PCDHB3: variants seen among roughly 807,000 people sequenced by gnomAD.
PCDHB3 encodes the protein protocadherin beta-3.
For missense variants in PCDHB3, 967 were observed against 1,012.1 expected, an observed-to-expected ratio of 0.96 and a Z score of 0.60; for synonymous variants, 479 against 456.0, an observed-to-expected ratio of 1.05 and a Z score of -0.64.
chr5:141,101,957 C>T lies in PCDHB3; in HGVS notation c.1308C>T (p.Asn436=), dbSNP rs191283257. Residue 436 remains asparagine (N), a synonymous_variant, in exon 1 of 1, where the codon AAC becomes AAT. Transcript: ENST00000231130. ...LGTPRLKTKY[N]ITVLVSDVND... ...CACCCAGGCTGAAAACCAAGTACAA[C>T]ATAACCGTGCTGGTCTCCGACGTCA... 5 of 1,613,846 alleles carry T rather than the reference C, an allele frequency of 3.1e-6. No individual in the cohort carries two copies. Among genetic ancestry groups the T allele is most frequent in the Middle Eastern group, 3.5e-4 (2 of 5,796 alleles).
Position 141,100,992 on chromosome 5 carries a change from C to T in PCDHB3, c.343C>T (p.Gln115Ter). Residue 115 changes from glutamine to a stop codon, truncating the protein, a stop_gained, in exon 1 of 1, where the codon CAA (glutamine) becomes TAA (stop). Coordinates refer to ENST00000231130, the MANE Select transcript of PCDHB3 (RefSeq NM_018937.5). LOFTEE classifies it low-confidence loss of function (END_TRUNC). ...HFQILLQNPLQFVTNELRIID... is the reference protein window; with the variant it reads ...HFQILLQNPL ...TCAGATATTACTGCAAAACCCTTTGCAATTCGTTACAAACGAGCTCCGTAT... is the reference window on the plus strand; with the variant it reads ...TCAGATATTACTGCAAAACCCTTTGTAATTCGTTACAAACGAGCTCCGTAT... 6.2e-7 allele frequency: 1 copy of T among 1,614,136 alleles called. No homozygotes were observed. Among genetic ancestry groups the T allele is most frequent in the Non-Finnish European group, 8.5e-7 (1 of 1,180,026 alleles).
chr5:141,102,267 G>A lies in PCDHB3; in HGVS notation c.1618G>A (p.Ala540Thr). The A allele has an allele frequency of 6.2e-7, 1 of 1,612,062 alleles. No homozygotes were observed. Among genetic ancestry groups the A allele is most frequent in the East Asian group, 2.2e-5 (1 of 44,872 alleles). ...GGGCGCCACAGACCGTGGCTCCCCGGCTTTGAGCAGCGAGGCGCTGGTGCG... is the reference window on the plus strand; with the variant it reads ...GGGCGCCACAGACCGTGGCTCCCCGACTTTGAGCAGCGAGGCGCTGGTGCG... The part of the protein sequence containing the change: ...RVGATDRGSP[A>T]LSSEALVRVL... The change falls in exon 1 of 1, where the codon GCT becomes ACT. Residue 540 changes from alanine to threonine, a missense_variant. By Grantham distance (58) the Ala-to-Thr change is moderately conservative. Transcript: ENST00000231130.
chr5:141,101,217 AAGTACCCGGAACT>A lies in PCDHB3; in HGVS notation c.574_586del (p.Pro192TrpfsTer15). ...CACTCGCAGTCGTAGGGACGGAAGG[AAGTACCCGGAACT>A]AGTACTGGATAAAGCGCTCGATCCG... is the stretch of plus-strand genomic sequence containing the variant. On this transcript the variant is annotated frameshift_variant, in exon 1 of 1. Coordinates refer to ENST00000231130, the MANE Select transcript of PCDHB3 (RefSeq NM_018937.5). LOFTEE classifies it low-confidence loss of function (END_TRUNC). 1 of 1,614,176 alleles carries A rather than the reference AAGTACCCGGAACT, an allele frequency of 6.2e-7. No individual in the cohort carries two copies. The highest frequency in any genetic ancestry group is 1.7e-5 in the Admixed American group (1 of 60,030).
rs782721400 is a variant in PCDHB3, at chr5:141,102,397, G to A, written c.1748G>A (p.Gly583Asp). 6.2e-7 allele frequency: 1 copy of A among 1,610,656 alleles called. No homozygotes were observed. Among genetic ancestry groups the A allele is most frequent in the Admixed American group, 1.7e-5 (1 of 59,998 alleles). ...TELVPRAAEPGYLVTKVVAVD... is the reference protein window; with the variant it reads ...TELVPRAAEPDYLVTKVVAVD... ...CTGGTGCCCCGGGCGGCTGAGCCGG[G>A]CTACCTGGTGACCAAGGTGGTGGCG... is the stretch of plus-strand genomic sequence containing the variant. The change falls in exon 1 of 1, where the codon GGC (glycine) becomes GAC (aspartate). Residue 583 changes from glycine to aspartate, a missense_variant. Coordinates refer to ENST00000231130, the MANE Select transcript of PCDHB3 (RefSeq NM_018937.5).
At position 141,101,974 on chromosome 5, in the gene PCDHB3, C is replaced by T; in HGVS notation, c.1325C>T (p.Ser442Phe). Reference protein sequence around the residue: ...KTKYNITVLVSDVNDNAPAFT... With the variant: ...KTKYNITVLVFDVNDNAPAFT... ...AAGTACAACATAACCGTGCTGGTCT[C>T]CGACGTCAATGACAACGCCCCCGCC... The change falls in exon 1 of 1, where the codon TCC (serine) becomes TTC (phenylalanine). Residue 442 changes from serine (S) to phenylalanine (F), a missense_variant. By Grantham distance (155) the Ser-to-Phe change is radical. Transcript: ENST00000231130. 1 of 1,613,642 alleles carries T rather than the reference C, an allele frequency of 6.2e-7. No homozygotes were observed. The highest frequency in any genetic ancestry group is 2.2e-5 in the East Asian group (1 of 44,884).
rs574032149 is a variant in PCDHB3, at chr5:141,102,065, T to C, written c.1416T>C (p.Ser472=). 122 of 1,612,780 alleles carry C rather than the reference T, an allele frequency of 7.6e-5. No individual in the cohort carries two copies. Among genetic ancestry groups the C allele is most frequent in the African/African-American group, 2.1e-4 (16 of 74,992 alleles). Residue 472 remains serine, a synonymous_variant, in exon 1 of 1, where the codon AGT becomes AGC. Coordinates refer to ENST00000231130, the MANE Select transcript of PCDHB3 (RefSeq NM_018937.5). ...ACAGCCCCGCCCTGCACATCGGCAG[T>C]GTCAGCGCCACAGACAGAGACTCAG... ...ENNSPALHIG[S]VSATDRDSGT...
Position 141,102,010 on chromosome 5 carries a change from T to C in PCDHB3, c.1361T>C (p.Ile454Thr), listed in dbSNP as rs17844392. ...VNDNAPAFTQ[I>T]SYTLFVRENN... is the part of the protein sequence containing the mutation. ...GACAACGCCCCCGCCTTCACCCAAATCTCCTACACCCTGTTCGTCCGCGAG... is the reference window on the plus strand; with the variant it reads ...GACAACGCCCCCGCCTTCACCCAAACCTCCTACACCCTGTTCGTCCGCGAG... The change falls in exon 1 of 1, where the codon ATC (isoleucine) becomes ACC (threonine). Residue 454 changes from isoleucine (I) to threonine (T), a missense_variant. Physicochemically the swap from Ile to Thr is moderately conservative, Grantham distance 89. Coordinates refer to ENST00000231130, the MANE Select transcript of PCDHB3 (RefSeq NM_018937.5). 0.075 allele frequency: 120,723 copies of C among 1,612,794 alleles called. 4,971 individuals carry two copies. Among genetic ancestry groups the C allele is most frequent in the South Asian group, 0.12 (10,487 of 91,018 alleles).
chr5:141,100,814 G>T lies in PCDHB3; in HGVS notation c.165G>T (p.Arg55Ser). The T allele has an allele frequency of 6.2e-7, 1 of 1,614,142 alleles. No homozygotes were observed. The highest frequency in any genetic ancestry group is 1.1e-5 in the South Asian group (1 of 91,078). The change falls in exon 1 of 1, where the codon AGG becomes AGT. Residue 55 changes from arginine (R) to serine (S), a missense_variant. Arg to Ser is a moderately radical substitution (Grantham distance 110). Coordinates refer to ENST00000231130, the MANE Select transcript of PCDHB3 (RefSeq NM_018937.5). Reference sequence around the variant, plus strand: ...ACCTAGCAAAGGATCTGGGACTAAGGGTAGAGGAACTGGCCGCGAGGGGGG... The same window carrying T: ...ACCTAGCAAAGGATCTGGGACTAAGTGTAGAGGAACTGGCCGCGAGGGGGG... ...IANLAKDLGL[R>S]VEELAARGAQ...
chr5:141,103,327 A>C lies in PCDHB3; in HGVS notation c.*287A>C. 3.6e-6 allele frequency: 1 copy of C among 275,342 alleles called. No homozygotes were observed. The highest frequency in any genetic ancestry group is 6.7e-6 in the Non-Finnish European group (1 of 149,586). 17.1% of individuals were successfully genotyped at this position (275,342 alleles called of 1,614,324 possible). On this transcript the variant is annotated 3_prime_UTR_variant, in exon 1 of 1. Transcript: ENST00000231130. ...GTTAATCCTTGCATATTCTCCTTTCATCCTGGCTTGCCAACGCAGTCTTAA... is the reference window on the plus strand; with the variant it reads ...GTTAATCCTTGCATATTCTCCTTTCCTCCTGGCTTGCCAACGCAGTCTTAA...
Position 141,101,361 on chromosome 5 carries a change from A to T in PCDHB3, c.712A>T (p.Asn238Tyr). 1 of 1,614,172 alleles carries T rather than the reference A, an allele frequency of 6.2e-7. No individual in the cohort carries two copies. Among genetic ancestry groups the T allele is most frequent in the East Asian group, 2.2e-5 (1 of 44,876 alleles). Residue 238 changes from asparagine to tyrosine, a missense_variant, in exon 1 of 1, where the codon AAT (asparagine) becomes TAT (tyrosine). Transcript: ENST00000231130. ...CATCCAGGTCTTAGATATAAACGAC[A>T]ATGCACCAGAATTTGCACAGCCGCT... ...INIQVLDIND[N>Y]APEFAQPLYE... is the part of the protein sequence containing the mutation.
rs782745689 is a variant in PCDHB3, at chr5:141,102,297, C to G, written c.1648C>G (p.Leu550Val). The G allele has an allele frequency of 6.2e-6, 10 of 1,611,638 alleles. No individual in the cohort carries two copies. The highest frequency in any genetic ancestry group is 3.3e-5 in the South Asian group (3 of 90,974). ...GAGCAGCGAGGCGCTGGTGCGCGTG[C>G]TGGTGCTGGACGCCAACGACAACTC... ...ALSSEALVRV[L>V]VLDANDNSPF... is the part of the protein sequence containing the mutation. The change falls in exon 1 of 1, where the codon CTG becomes GTG. Residue 550 changes from leucine (L) to valine (V), a missense_variant. Leu to Val is a conservative substitution (Grantham distance 32). Transcript: ENST00000231130.
rs1214482534 is a variant in PCDHB3 at position 141,103,072 on chromosome 5, A to G, written c.*32A>G. ...ATAAGGATCTACTGAGCCTCGTCTT[A>G]GTTAATCTGTGGAAAGTCCTTTTTT... is the stretch of plus-strand genomic sequence containing the variant. On this transcript the variant is annotated 3_prime_UTR_variant, in exon 1 of 1. Transcript: ENST00000231130. 6.4e-7 allele frequency: 1 copy of G among 1,568,880 alleles called. No homozygotes were observed. The highest frequency in any genetic ancestry group is 8.6e-7 in the Non-Finnish European group (1 of 1,158,850).
At position 141,102,762 on chromosome 5, in the gene PCDHB3, G is replaced by A. The variant is rs17844404; in HGVS notation, c.2113G>A (p.Val705Met). Residue 705 changes from valine (V) to methionine (M), a missense_variant, in exon 1 of 1, where the codon GTG becomes ATG. By Grantham distance (21) the Val-to-Met change is conservative. Coordinates refer to ENST00000231130, the MANE Select transcript of PCDHB3 (RefSeq NM_018937.5). The stretch of plus-strand genomic sequence containing the variant: ...GGTGTCTTCGCTCTTCCTCTTTTCG[G>A]TGCTCCTGTTCGTGGCGGTGCGGCT... ...ASVSSLFLFSVLLFVAVRLCR... is the reference protein window; with the variant it reads ...ASVSSLFLFSMLLFVAVRLCR... 1 of 1,612,204 alleles carries A rather than the reference G, an allele frequency of 6.2e-7. No homozygotes were observed. The highest frequency in any genetic ancestry group is 8.5e-7 in the Non-Finnish European group (1 of 1,179,742).
rs1233451964 is a variant in PCDHB3, at chr5:141,102,304, T to C, written c.1655T>C (p.Leu552Pro). 1 of 1,611,582 alleles carries C rather than the reference T, an allele frequency of 6.2e-7. No individual in the cohort carries two copies. Among genetic ancestry groups the C allele is most frequent in the Non-Finnish European group, 8.5e-7 (1 of 1,179,714 alleles). ...GAGGCGCTGGTGCGCGTGCTGGTGC[T>C]GGACGCCAACGACAACTCGCCCTTC... ...SSEALVRVLV[L>P]DANDNSPFVL... Residue 552 changes from leucine (L) to proline (P), a missense_variant, in exon 1 of 1, where the codon CTG becomes CCG. Transcript: ENST00000231130.
chr5:141,100,639 C>G lies in PCDHB3; in HGVS notation c.-11C>G, dbSNP rs199519653. ...GGCGACATTCCCTGGAAGAGCGTGA[C>G]GGAAAGTGCAATGGAGGCGGGAGGA... On this transcript the variant is annotated 5_prime_UTR_variant, in exon 1 of 1. Transcript: ENST00000231130. 1.3e-6 allele frequency: 2 copies of G among 1,563,562 alleles called. No individual in the cohort carries two copies. Among genetic ancestry groups the G allele is most frequent in the African/African-American group, 2.7e-5 (2 of 73,428 alleles).
Position 141,102,772 on chromosome 5 carries a change from T to G in PCDHB3, c.2123T>G (p.Phe708Cys). 1 of 1,612,224 alleles carries G rather than the reference T, an allele frequency of 6.2e-7. No individual in the cohort carries two copies. The highest frequency in any genetic ancestry group is 2.2e-5 in the East Asian group (1 of 44,840). Residue 708 changes from phenylalanine to cysteine, a missense_variant, in exon 1 of 1, where the codon TTC (phenylalanine) becomes TGC (cysteine). Transcript: ENST00000231130. Reference sequence around the variant, plus strand: ...CTCTTCCTCTTTTCGGTGCTCCTGTTCGTGGCGGTGCGGCTGTGCAGGAGG... The same window carrying G: ...CTCTTCCTCTTTTCGGTGCTCCTGTGCGTGGCGGTGCGGCTGTGCAGGAGG... ...SSLFLFSVLL[F>C]VAVRLCRRSR...
In PCDHB3 at chr5:141,100,977, C is replaced by G; in HGVS notation, c.328C>G (p.Leu110Val). 6.2e-7 allele frequency: 1 copy of G among 1,614,114 alleles called. No individual in the cohort carries two copies. The highest frequency in any genetic ancestry group is 8.5e-7 in the Non-Finnish European group (1 of 1,180,002). The change falls in exon 1 of 1, where the codon CTG becomes GTG. Residue 110 changes from leucine to valine, a missense_variant. Transcript: ENST00000231130. Reference protein sequence around the residue: ...EPCILHFQILLQNPLQFVTNE... With the variant: ...EPCILHFQILVQNPLQFVTNE... ...ATGCATACTACATTTTCAGATATTA[C>G]TGCAAAACCCTTTGCAATTCGTTAC...
At position 141,102,024 on chromosome 5, in the gene PCDHB3, T is replaced by C. The variant is rs781793212; in HGVS notation, c.1375T>C (p.Phe459Leu). Residue 459 changes from phenylalanine (F) to leucine (L), a missense_variant, in exon 1 of 1, where the codon TTC becomes CTC. Phe to Leu is a conservative substitution (Grantham distance 22). Coordinates refer to ENST00000231130, the MANE Select transcript of PCDHB3 (RefSeq NM_018937.5). ...PAFTQISYTL[F>L]VRENNSPALH... ...CTTCACCCAAATCTCCTACACCCTG[T>C]TCGTCCGCGAGAACAACAGCCCCGC... The C allele has an allele frequency of 6.2e-7, 1 of 1,613,154 alleles. No homozygotes were observed.
At position 141,103,041 on chromosome 5, in the gene PCDHB3, G is replaced by A; in HGVS notation, c.*1G>A. ...CAGGAAGAGCTTTGAATTCAGTTAA[G>A]TGTTAATAAGGATCTACTGAGCCTC... On this transcript the variant is annotated 3_prime_UTR_variant, in exon 1 of 1. Transcript: ENST00000231130. 1 of 1,604,712 alleles carries A rather than the reference G, an allele frequency of 6.2e-7. No individual in the cohort carries two copies. The highest frequency in any genetic ancestry group is 1.1e-5 in the South Asian group (1 of 89,508).
Sources: allele counts gnomAD v4.1 joint callset, GRCh38; gene constraint gnomAD v4.1.1; transcripts MANE v1.5; gene names NCBI Gene and HGNC (gene_info 2026-07-23, HGNC 2026-07-21).